ZNF652: variants seen among roughly 807,000 people sequenced by gnomAD.
The protein encoded by ZNF652 is zinc finger protein 652.
A neutral mutation model predicts 45.2 loss-of-function variants in ZNF652; 16 were observed. The observed-to-expected ratio is 0.35, with a 90% CI of 0.24 to 0.54. The LOEUF (loss-of-function observed/expected upper bound fraction) is 0.54, where lower values mean the gene tolerates loss of function less well. Among genes scored for constraint, ZNF652 ranks in the 20% least tolerant of loss-of-function variants. The pLI, the probability that ZNF652 is intolerant of heterozygous loss-of-function variation, is 0.91. For missense variants in ZNF652, 614 were observed against 765.6 expected, an observed-to-expected ratio of 0.80 and a Z score of 2.34; for synonymous variants, 250 against 260.6, an observed-to-expected ratio of 0.96 and a Z score of 0.39.
At chr17:49,353,758 C>T (rs900647722) in intron 1 of ZNF652, among the ~76,000 whole-genome samples, 2 of 152,108 alleles carry the variant, frequency 1.3e-5, no homozygotes, top group South Asian at 4.1e-4. Flanking sequence ...TGTGGGCACG[C>T]ATGCACTGCT....
intron 2 of ZNF652, among the ~76,000 whole-genome samples, chr17:49,314,824 A>G (rs981444592): frequency 6.6e-6 from 1 of 152,106 alleles, no homozygotes; most frequent in African/African-American, 2.4e-5. Flanking sequence ...TGGTTGGAAA[A>G]TGCTCTAGAA....
intron 5 of ZNF652, among the ~76,000 whole-genome samples, chr17:49,308,729 G>A (rs2069666295): frequency 6.6e-6 from 1 of 151,854 alleles, no homozygotes; most frequent in Non-Finnish European, 1.5e-5. Flanking sequence ...TTGAACCTGG[G>A]AGGTGGAGGT....
intron 1 of ZNF652, among the ~76,000 whole-genome samples, chr17:49,347,539 T>G (rs1362009535): frequency 1.3e-5 from 2 of 151,952 alleles, no homozygotes; most frequent in East Asian, 1.9e-4. Context: ...CACTCCAGCC[T>G]GGGTGACAGA....
intron 1 of ZNF652, among the ~76,000 whole-genome samples, chr17:49,338,446 G>C (rs745413634): frequency 6.6e-6 from 1 of 152,182 alleles, no homozygotes; most frequent in Non-Finnish European, 1.5e-5. Context: ...CAGAGCAGAA[G>C]GGCGAAAAGA....
intron 2 of ZNF652, 112 bp downstream of exon 2, chr17:49,316,714 G>A (rs1352610849): frequency 8.8e-7 from 1 of 1,141,516 alleles, no homozygotes; most frequent in Admixed American, 2.5e-5. Flanking sequence ...ATAAATTGGT[G>A]AAAACTGTCC....
At chr17:49,318,522 T>C (rs1037859821) in intron 1 of ZNF652, among the ~76,000 whole-genome samples, 3 of 152,238 alleles carry the variant, frequency 2.0e-5, no homozygotes, top group African/African-American at 7.2e-5. Context: ...TCTGTCCAGT[T>C]CACTGAGATA....
At chr17:49,347,512 C>G (rs2070216984) in intron 1 of ZNF652, among the ~76,000 whole-genome samples, 1 of 152,048 alleles carries the variant, frequency 6.6e-6, no homozygotes, top group Non-Finnish European at 1.5e-5. Context: ...CTGCAGTGAG[C>G]CGTGATCATG....
At position 49,337,282 on chromosome 17, in the gene ZNF652, G is replaced by C. The variant is rs192125758; in HGVS notation, c.-258-19299C>G. Among the ~76,000 whole-genome samples, 12 of 147,138 alleles carry C rather than the reference G, an allele frequency of 8.2e-5. No individual in the cohort carries two copies. In the Admixed American group the frequency reaches 8.3e-4, roughly 10 times the overall value. ...GCCCGAGAGTTCCAGGCTATAGTAAGCTATGATCATGCTGCTGCCCTCCAG... is the reference window on the plus strand; with the variant it reads ...GCCCGAGAGTTCCAGGCTATAGTAACCTATGATCATGCTGCTGCCCTCCAG... On this transcript the variant is annotated intron_variant, in intron 1 of 5. Transcript: ENST00000430262.
chr17:49,326,667 G>A (rs2143834881), intron 1 of ZNF652, among the ~76,000 whole-genome samples: 1 of 152,316 alleles, frequency 6.6e-6, no homozygotes, highest in East Asian at 1.9e-4. Flanking sequence ...CTCAATGACA[G>A]CACAGAGGGA....
chr17:49,354,631 C>CA (rs996912259), intron 1 of ZNF652, among the ~76,000 whole-genome samples: 3 of 147,814 alleles, frequency 2.0e-5, no homozygotes, highest in Non-Finnish European at 4.5e-5. Context: ...AACAAAAAAA[C>CA]AAAAAAACAA....
chr17:49,341,489 CAAAAAAAAAAA>C (rs754847307), intron 1 of ZNF652, among the ~76,000 whole-genome samples: 2,577 of 82,208 alleles, frequency 0.031, 97 homozygotes, highest in African/African-American at 0.11. Context: ...CTCATCTCTA[CAAAAAAAAAAA>C]AAAAAAAAAA....
chr17:49,335,229 A>C (rs1459831865), intron 1 of ZNF652, among the ~76,000 whole-genome samples: 1 of 152,250 alleles, frequency 6.6e-6, no homozygotes, highest in Non-Finnish European at 1.5e-5. Flanking sequence ...TATTTTGTAT[A>C]AAATGATATT....
At chr17:49,325,093 G>T (rs560511319) in intron 1 of ZNF652, among the ~76,000 whole-genome samples, 28 of 152,174 alleles carry the variant, frequency 1.8e-4, no homozygotes, top group Middle Eastern at 3.4e-3. Flanking sequence ...TTGCATTCAC[G>T]ACTTGATAGT....
At chr17:49,288,666 A>C (rs1164034983), downstream of ZNF652, among the ~76,000 whole-genome samples, 1 of 152,204 alleles carries the variant, frequency 6.6e-6, no homozygotes, top group East Asian at 1.9e-4. Context: ...TCATTGCTGA[A>C]TCCCCAGTGG....
chr17:49,327,772 TATA>T (rs2069979122), intron 1 of ZNF652, among the ~76,000 whole-genome samples: 1 of 3,294 alleles, frequency 3.0e-4, no homozygotes, highest in African/African-American at 1.5e-3. Context: ...TATATATATA[TATA>T]TATATTTTTT....
intron 1 of ZNF652, among the ~76,000 whole-genome samples, chr17:49,336,939 GGT>G (rs1156557952): frequency 1.2e-5 from 1 of 85,506 alleles, no homozygotes; most frequent in East Asian, 3.2e-4. Context: ...TTTTCTTAAT[GGT>G]GTTTTTTTTT....
At chr17:49,311,626 G>A (rs1361020180) in intron 4 of ZNF652, among the ~76,000 whole-genome samples, 170 bp from the exon 5 acceptor site, 1 of 152,256 alleles carries the variant, frequency 6.6e-6, no homozygotes, top group Middle Eastern at 3.4e-3. Flanking sequence ...TAATAAAAGG[G>A]AAATTTCCTC....
rs1313706804 is a variant in ZNF652 at position 49,294,579 on chromosome 17, A to G, written c.*3834T>C. ...ATCTGACTCAATTTGAGAAAGCAGC[A>G]GCCTTTATTAAGGCTAAGGAAGAGT... On this transcript the variant is annotated 3_prime_UTR_variant, in exon 6 of 6. Transcript: ENST00000430262. The G allele has an allele frequency of 6.6e-6, 1 of 152,252 alleles. No individual in the cohort carries two copies. The highest frequency in any genetic ancestry group is 1.5e-5 in the Non-Finnish European group (1 of 68,044). The allele number at this position is 152,252 out of a possible 1,614,324, so 9.4% of individuals were successfully genotyped here.
At chr17:49,324,746 T>G (rs577580404) in intron 1 of ZNF652, among the ~76,000 whole-genome samples, 19 of 141,560 alleles carry the variant, frequency 1.3e-4, no homozygotes, top group African/African-American at 5.0e-4. Flanking sequence ...TTTTTTTTTT[T>G]TTTTTTTTTT....
Sources: gnomAD v4.1 joint callset for allele counts (sites outside exome capture counted in the v4.1 genomes callset) on GRCh38, gnomAD v4.1.1 for gene constraint, MANE v1.5 for transcripts, NCBI Gene and HGNC (gene_info 2026-07-23, HGNC 2026-07-21) for gene names.